Variants in RMND5A observed in about 807,000 individuals in gnomAD.
The protein encoded by RMND5A is required for meiotic nuclear division 5 homolog A, also known as E3 ubiquitin-protein transferase RMND5A.
RMND5A carries 17 observed loss-of-function variants against 49.7 expected under a neutral mutation model. The observed-to-expected ratio is 0.34, with a 90% CI of 0.23 to 0.51. RMND5A has a LOEUF of 0.51. RMND5A is among the 20% of genes least tolerant of loss of function. RMND5A has a pLI of 0.96. For missense variants in RMND5A, 255 were observed against 471.3 expected (o/e 0.54, Z 4.25); for synonymous variants, 156 against 167.7 (o/e 0.93, Z 0.54).
Position 86,771,686 on chromosome 2 carries a change from C to T in RMND5A, c.1086C>T (p.Ala362=). The T allele has an allele frequency of 1.9e-6, 3 of 1,608,644 alleles. No homozygotes were observed. Among genetic ancestry groups the T allele is most frequent in the Non-Finnish European group, 2.5e-6 (3 of 1,177,542 alleles). ...GTGGTCATATTATATCAAGAGATGC[C>T]CTGAATAAAATGTTTAATGGTAGCA... ...LVCGHIISRD[A]LNKMFNGSKL... The change falls in exon 8 of 9, where the codon GCC becomes GCT. Residue 362 remains alanine, a synonymous_variant. Transcript: ENST00000283632.
At chr2:86,771,771 G>C (rs935016052) in intron 8 of RMND5A, 59 bp downstream of exon 8, 7 of 1,429,994 alleles carry the variant, frequency 4.9e-6, no homozygotes, top group Non-Finnish European at 6.8e-6. Flanking sequence ...AACTTGGTAG[G>C]AGGATAAGAA....
At chr2:86,772,493 A>G (rs1051748600) in intron 8 of RMND5A, among the ~76,000 whole-genome samples, 3 of 152,122 alleles carry the variant, frequency 2.0e-5, no homozygotes, top group African/African-American at 4.8e-5. Flanking sequence ...ACAAAAAAAC[A>G]TAGTGCTAAG....
intron 8 of RMND5A, among the ~76,000 whole-genome samples, 159 bp downstream of exon 8, chr2:86,771,871 G>A (rs1267819920): frequency 6.6e-6 from 1 of 152,164 alleles, no homozygotes; most frequent in Non-Finnish European, 1.5e-5. Context: ...TCTGATTTGA[G>A]TATTTTTAAT....
intron 2 of RMND5A, among the ~76,000 whole-genome samples, chr2:86,741,623 A>AT (rs935659927): frequency 6.5e-5 from 7 of 107,566 alleles, no homozygotes; most frequent in African/African-American, 2.1e-4. Flanking sequence ...TTCTTGTGAC[A>AT]TTTTTTGAGT....
intron 7 of RMND5A, among the ~76,000 whole-genome samples, chr2:86,771,131 C>T (rs1199650083): frequency 2.0e-5 from 3 of 151,954 alleles, no homozygotes; most frequent in Non-Finnish European, 2.9e-5. Context: ...TCCTGCTCTA[C>T]TGCCGCTAAC....
rs548697976 is a variant in RMND5A, at chr2:86,756,753, A to G, written c.521+3195A>G. Among the ~76,000 whole-genome samples the G allele has an allele frequency of 9.2e-5, 14 of 152,322 alleles. No individual in the cohort carries two copies. The East Asian group carries it at 2.7e-3, about 29-fold the overall frequency. ...ACAAGGCGGGAGATATCTGCCAGTTATGCAGCATCCCATTTGTTCCTGCTG... is the reference window on the plus strand; with the variant it reads ...ACAAGGCGGGAGATATCTGCCAGTTGTGCAGCATCCCATTTGTTCCTGCTG... On this transcript the variant is annotated intron_variant, in intron 4 of 8. Transcript: ENST00000283632.
chr2:86,732,409 A>G (rs1207071309), intron 1 of RMND5A, among the ~76,000 whole-genome samples: 4 of 148,886 alleles, frequency 2.7e-5, no homozygotes, highest in Non-Finnish European at 5.9e-5. Context: ...TTAATGATAT[A>G]TTTGTCTAGA....
chr2:86,765,887 G>A lies in RMND5A; in HGVS notation c.717G>A (p.Val239=). 1 of 1,613,964 alleles carries A rather than the reference G, an allele frequency of 6.2e-7. No homozygotes were observed. The highest frequency in any genetic ancestry group is 8.5e-7 in the Non-Finnish European group (1 of 1,179,918). ...KDIQVLMGSL[V]YLRQGIENSP... is the part of the protein sequence containing the mutation. ...TTCAGGTTTTGATGGGAAGCCTTGT[G>A]TACCTGAGACAAGGGATTGAGAACT... Residue 239 remains valine (V), a synonymous_variant, in exon 6 of 9, where the codon GTG becomes GTA. Transcript: ENST00000283632.
At chr2:86,745,167 A>C (rs1447068267) in intron 2 of RMND5A, among the ~76,000 whole-genome samples, 1 of 152,198 alleles carries the variant, frequency 6.6e-6, no homozygotes, top group Non-Finnish European at 1.5e-5. Flanking sequence ...AGTCAATAAA[A>C]ATGATTATTG....
At chr2:86,768,159 A>G (rs1218349154) in intron 6 of RMND5A, among the ~76,000 whole-genome samples, 1 of 152,240 alleles carries the variant, frequency 6.6e-6, no homozygotes, top group Non-Finnish European at 1.5e-5. Flanking sequence ...TGTATTAAAG[A>G]TATAATCCAC....
intron 6 of RMND5A, 57 bp downstream of exon 6, chr2:86,766,081 T>A: frequency 6.9e-7 from 1 of 1,442,520 alleles, no homozygotes; most frequent in Non-Finnish European, 9.4e-7. Flanking sequence ...CACCTTCCCT[T>A]AACTTGTTTG....
At chr2:86,765,795 T>G in intron 5 of RMND5A, 64 bp from the exon 6 acceptor site, 1 of 1,438,712 alleles carries the variant, frequency 7.0e-7, no homozygotes, top group East Asian at 2.3e-5. Flanking sequence ...GGTGGGGGTA[T>G]TCTTGCTTTT....
At chr2:86,770,181 A>G (rs1344910897) in intron 7 of RMND5A, 56 bp downstream of exon 7, 2 of 1,187,942 alleles carry the variant, frequency 1.7e-6, no homozygotes, top group Non-Finnish European at 2.5e-6. Flanking sequence ...AGAATATGGC[A>G]TCTTTAAATG....
chr2:86,746,033 G>A (rs183603617), intron 2 of RMND5A, among the ~76,000 whole-genome samples: 1 of 152,224 alleles, frequency 6.6e-6, no homozygotes, highest in East Asian at 1.9e-4. Flanking sequence ...CATTGGTGAG[G>A]CAAAATGCTG....
intron 1 of RMND5A, among the ~76,000 whole-genome samples, chr2:86,732,476 A>G (rs916765732): frequency 7.0e-6 from 1 of 143,426 alleles, no homozygotes; most frequent in Admixed American, 6.9e-5. Flanking sequence ...TGGACACGAG[A>G]CGTGCTTTTT....
At chr2:86,745,752 A>T (rs1681525571) in intron 2 of RMND5A, among the ~76,000 whole-genome samples, 1 of 152,228 alleles carries the variant, frequency 6.6e-6, no homozygotes. Context: ...TGCTTTACAT[A>T]CATTTATATC....
rs759657029 is a variant in RMND5A at position 86,772,312 on chromosome 2, G to A, written c.1112+600G>A. ...AAAATACAAAAACAAAAAATTAGCC[G>A]GGTGTGGTGGCGGACACCTGTAGTC... On this transcript the variant is annotated intron_variant, in intron 8 of 8. Transcript: ENST00000283632. 8.6e-5 allele frequency among the ~76,000 whole-genome samples: 13 copies of A among 151,978 alleles called. No individual in the cohort carries two copies. The South Asian group carries it at 2.3e-3, about 27-fold the overall frequency.
chr2:86,763,139 T>C (rs1672532092), intron 4 of RMND5A, among the ~76,000 whole-genome samples: 1 of 152,292 alleles, frequency 6.6e-6, no homozygotes, highest in East Asian at 1.9e-4. Context: ...TTGTGAATTG[T>C]CTATTTATGA....
At chr2:86,722,021 A>G (rs547963837) in intron 1 of RMND5A, among the ~76,000 whole-genome samples, 1,371 of 89,422 alleles carry the variant, frequency 0.015, 66 homozygotes, top group African/African-American at 0.072. Flanking sequence ...CTGCAGTCAT[A>G]GTGGATGAGA....
Sources: gnomAD v4.1 joint callset for allele counts (sites outside exome capture counted in the v4.1 genomes callset) on GRCh38, gnomAD v4.1.1 for gene constraint, MANE v1.5 for transcripts, NCBI Gene and HGNC (gene_info 2026-07-23, HGNC 2026-07-21) for gene names.